The following SOX5 variants were observed in gnomAD, a reference collection of about 807,000 sequenced individuals.
SOX5 encodes the protein SRY-box transcription factor 5.
A neutral mutation model predicts 92.0 loss-of-function variants in SOX5; 9 were observed. That is an observed-to-expected ratio of 0.10 (90% CI 0.06 to 0.17). SOX5 has a LOEUF of 0.17. SOX5 is among the 10% of genes least tolerant of loss of function. SOX5 has a pLI of 1.00. For synonymous variants in SOX5, 344 were observed against 336.3 expected (o/e 1.02, Z -0.25); for missense variants, 642 against 944.5 (o/e 0.68, Z 4.20).
At chr12:24,191,178 T>G (rs1277377533) in intron 4 of SOX5, among the ~76,000 whole-genome samples, 3 of 152,094 alleles carry the variant, frequency 2.0e-5, no homozygotes, top group Non-Finnish European at 4.4e-5. Flanking sequence ...AGTAAGAAAG[T>G]CAAAGAAGAC....
At chr12:24,358,525 T>C (rs991416707) in intron 2 of SOX5, among the ~76,000 whole-genome samples, 1 of 151,502 alleles carries the variant, frequency 6.6e-6, no homozygotes, top group Non-Finnish European at 1.5e-5. Flanking sequence ...GGCAGAAGAA[T>C]GGTGTGAACC....
chr12:23,791,323 C>G (rs2095471590), intron 3 of SOX5, among the ~76,000 whole-genome samples: 1 of 152,208 alleles, frequency 6.6e-6, no homozygotes, highest in Non-Finnish European at 1.5e-5. Context: ...CAGAGTCTCA[C>G]TATGTTGCCC....
intron 4 of SOX5, among the ~76,000 whole-genome samples, chr12:23,971,496 T>C (rs1948336112): frequency 1.3e-5 from 2 of 151,016 alleles, no homozygotes; most frequent in Admixed American, 6.6e-5. Flanking sequence ...CACTACCCCA[T>C]TGCCTACAGT....
At chr12:24,059,907 A>G (rs1271280532) in intron 4 of SOX5, among the ~76,000 whole-genome samples, 1 of 152,240 alleles carries the variant, frequency 6.6e-6, no homozygotes, top group East Asian at 1.9e-4. Flanking sequence ...CCTTATTATA[A>G]GGAGTTAAAC....
At chr12:24,326,666 G>T (rs888614177) in intron 2 of SOX5, among the ~76,000 whole-genome samples, 6 of 151,946 alleles carry the variant, frequency 3.9e-5, no homozygotes, top group African/African-American at 1.4e-4. Context: ...TATGACTCCT[G>T]CCCTCACCTT....
At chr12:23,702,776 G>A (rs998069370) in intron 6 of SOX5, among the ~76,000 whole-genome samples, 6 of 151,412 alleles carry the variant, frequency 4.0e-5, no homozygotes, top group African/African-American at 9.7e-5. Flanking sequence ...GTGTGTGCAC[G>A]TACACATGCA....
chr12:23,575,112 A>G (rs1948917073), intron 10 of SOX5, among the ~76,000 whole-genome samples: 1 of 152,226 alleles, frequency 6.6e-6, no homozygotes, highest in South Asian at 2.1e-4. Flanking sequence ...GTCAGCTTAT[A>G]GAAGTGTTTT....
chr12:23,847,007 T>C (rs2096582854), intron 2 of SOX5, among the ~76,000 whole-genome samples: 1 of 152,158 alleles, frequency 6.6e-6, no homozygotes, highest in South Asian at 2.1e-4. Flanking sequence ...TTATAGTCTA[T>C]TGTCATTTTC....
chr12:24,020,417 G>A (rs1022646664), intron 4 of SOX5, among the ~76,000 whole-genome samples: 4 of 152,162 alleles, frequency 2.6e-5, no homozygotes, highest in African/African-American at 4.8e-5. Flanking sequence ...TGTTCAGGCA[G>A]TGCTCTTTAC....
chr12:24,123,337 TAGAG>T (rs1478253378), intron 4 of SOX5, among the ~76,000 whole-genome samples: 1 of 152,236 alleles, frequency 6.6e-6, no homozygotes, highest in African/African-American at 2.4e-5. Flanking sequence ...ATCTCAGAGA[TAGAG>T]AGTTATAGTT....
intron 4 of SOX5, chr12:24,212,293 G>A (rs1370787122): frequency 2.1e-6 from 1 of 478,252 alleles, no homozygotes; most frequent in African/African-American, 2.0e-5. Flanking sequence ...AAATCTCTGA[G>A]GCATCCAGAT....
intron 4 of SOX5, among the ~76,000 whole-genome samples, chr12:24,019,566 T>A (rs567078456): frequency 6.6e-6 from 1 of 152,330 alleles, no homozygotes; most frequent in Admixed American, 6.5e-5. Flanking sequence ...AACAGCTATG[T>A]TTATTTCACA....
At chr12:23,537,844 T>C (rs965667926) in intron 13 of SOX5, among the ~76,000 whole-genome samples, 2 of 152,094 alleles carry the variant, frequency 1.3e-5, no homozygotes, top group African/African-American at 4.8e-5. Flanking sequence ...ACCCTCGCGG[T>C]GAGTGTTACA....
At chr12:23,815,693 T>C (rs2095977061) in intron 3 of SOX5, among the ~76,000 whole-genome samples, 1 of 152,216 alleles carries the variant, frequency 6.6e-6, no homozygotes, top group African/African-American at 2.4e-5. Context: ...CTCTATTAAA[T>C]GTCCACTAGG....
intron 1 of SOX5, among the ~76,000 whole-genome samples, chr12:23,914,925 A>G (rs2097396964): frequency 6.6e-6 from 1 of 152,142 alleles, no homozygotes; most frequent in Non-Finnish European, 1.5e-5. Context: ...GTAAACTCTG[A>G]GCCAAAACCA....
intron 3 of SOX5, among the ~76,000 whole-genome samples, chr12:24,242,878 T>C (rs1023088284): frequency 3.3e-5 from 5 of 152,300 alleles, no homozygotes; most frequent in Non-Finnish European, 4.4e-5. Flanking sequence ...CTTATATAAG[T>C]AACACTTAAG....
rs554892984 is a variant in SOX5, at chr12:23,989,218, C to CAA, written c.-1-93196_-1-93195dup. Reference sequence around the variant, plus strand: ...CAAAACCCTGTCTCTGCCAAAAATACAAAAAAAAAAAAAAAAAAAAAAAAT... The same window carrying CAA: ...CAAAACCCTGTCTCTGCCAAAAATACAAAAAAAAAAAAAAAAAAAAAAAAAAT... On this transcript the variant is annotated intron_variant, in intron 4 of 4. Transcript: ENST00000446891. Among the ~76,000 whole-genome samples the CAA allele has an allele frequency of 1.0e-3, 105 of 104,432 alleles. No individual in the cohort carries two copies. In the South Asian group the frequency reaches 0.011, roughly 11 times the overall value. The allele number at this position is 104,432 out of a possible 152,430, so 68.5% of individuals were successfully genotyped here. A position where few individuals can be genotyped will look rare whatever the true frequency, so the allele number is the denominator to read the frequency against.
At chr12:23,901,393 T>C (rs2137964193) in intron 1 of SOX5, among the ~76,000 whole-genome samples, 1 of 152,346 alleles carries the variant, frequency 6.6e-6, no homozygotes, top group South Asian at 2.1e-4. Context: ...TAAGCCACTA[T>C]ATTTGTGATG....
At chr12:23,577,989 C>T (rs954097761) in intron 9 of SOX5, among the ~76,000 whole-genome samples, 9 of 151,032 alleles carry the variant, frequency 6.0e-5, no homozygotes, top group African/African-American at 2.2e-4. Flanking sequence ...AGCATGGTGG[C>T]ATGCACCTGT....
Sources: gnomAD v4.1 joint callset for allele counts (sites outside exome capture counted in the v4.1 genomes callset) on GRCh38, gnomAD v4.1.1 for gene constraint, MANE v1.5 for transcripts, NCBI Gene and HGNC (gene_info 2026-07-23, HGNC 2026-07-21) for gene names.